HNRNPUL2: variants seen among roughly 807,000 people sequenced by gnomAD.
HNRNPUL2 encodes heterogeneous nuclear ribonucleoprotein U-like protein 2.
Under a neutral mutation model 102.2 loss-of-function variants are expected in HNRNPUL2, and 27 were observed. That is an observed-to-expected ratio of 0.26 (90% CI 0.19 to 0.36). The LOEUF (loss-of-function observed/expected upper bound fraction) is 0.36. HNRNPUL2 is among the 10% of genes least tolerant of loss of function. The probability of loss-of-function intolerance (pLI) is 1.00; values close to 1 mark genes in which losing one functional copy is unlikely to be tolerated. For synonymous variants in HNRNPUL2, 458 were observed against 387.2 expected (o/e 1.18, Z -2.15); for missense variants, 936 against 981.1 (o/e 0.95, Z 0.61).
intron 1 of HNRNPUL2, among the ~76,000 whole-genome samples, chr11:62,725,062 G>A (rs2083734138): frequency 6.6e-6 from 1 of 152,168 alleles, no homozygotes. Flanking sequence ...CTGCACATTT[G>A]GGGCAGAAAG....
Position 62,727,228 on chromosome 11 carries a change from G to GCGCCGCCGCCGCCGCC in HNRNPUL2, c.-88_-73dup, listed in dbSNP as rs1554989354. ...CCGTCGACCGAGTCCGACCGCGCAG[G>GCGCCGCCGCCGCCGCC]CGCCGCCGCCGCCGCCCGCCTCCGC... On this transcript the variant is annotated 5_prime_UTR_variant, in exon 1 of 14. Coordinates refer to ENST00000301785, the MANE Select transcript of HNRNPUL2 (RefSeq NM_001079559.3). 11 of 1,298,024 alleles carry GCGCCGCCGCCGCCGCC rather than the reference G, an allele frequency of 8.5e-6. No individual in the cohort carries two copies. The highest frequency in any genetic ancestry group is 3.2e-5 in the African/African-American group (2 of 63,382). 80.4% of individuals were successfully genotyped at this position (1,298,024 alleles called of 1,614,324 possible).
intron 4 of HNRNPUL2, 95 bp from the exon 5 acceptor site, chr11:62,722,998 G>C: frequency 1.2e-6 from 1 of 834,826 alleles, no homozygotes; most frequent in South Asian, 1.5e-5. Flanking sequence ...AACTGAAAAC[G>C]ACATTTACCT....
intron 7 of HNRNPUL2, 75 bp downstream of exon 7, chr11:62,722,042 C>CT: frequency 6.2e-7 from 1 of 1,602,420 alleles, no homozygotes; most frequent in African/African-American, 1.3e-5. Context: ...TGGTAACGCT[C>CT]TGAGACCCTG....
rs1224237566 is a variant in HNRNPUL2, at chr11:62,726,688, G to T, written c.469C>A (p.Pro157Thr). The change falls in exon 1 of 14, where the codon CCC becomes ACC. Residue 157 changes from proline (P) to threonine (T), a missense_variant. Coordinates refer to ENST00000301785, the MANE Select transcript of HNRNPUL2 (RefSeq NM_001079559.3). The stretch of plus-strand genomic sequence containing the variant: ...GTCTCGTCCCCGCTCCGCTCCTCGG[G>T]TTCGTCTTCCTCCCTCTTGCCGAGG... ...QGLGKREEDE[P>T]EERSGDETPG... 3 of 1,600,036 alleles carry T rather than the reference G, an allele frequency of 1.9e-6. No individual in the cohort carries two copies. The highest frequency in any genetic ancestry group is 1.3e-5 in the African/African-American group (1 of 74,866).
rs755780740 is a variant in HNRNPUL2, at chr11:62,726,814, C to T, written c.343G>A (p.Glu115Lys). The change falls in exon 1 of 14, where the codon GAG becomes AAG. Residue 115 changes from glutamate (E) to lysine (K), a missense_variant. By Grantham distance (56) the Glu-to-Lys change is moderately conservative. Coordinates refer to ENST00000301785, the MANE Select transcript of HNRNPUL2 (RefSeq NM_001079559.3). ...QAAQPPPEPPEAAAMEAAAEP... is the reference protein window; with the variant it reads ...QAAQPPPEPPKAAAMEAAAEP... ...GCCGCGGCCTCCATGGCTGCCGCCT[C>T]CGGGGGCTCCGGCGGCGGCTGCGCG... 8.8e-6 allele frequency: 14 copies of T among 1,593,222 alleles called. No individual in the cohort carries two copies. The Admixed American group carries it at 2.4e-4, about 27-fold the overall frequency.
rs1167160314 is a variant in HNRNPUL2 at position 62,726,768 on chromosome 11, T to C, written c.389A>G (p.Lys130Arg). ...TGACCCGGCCGTGGCCTCCGCCGGC[T>C]TCTCGGAAGCATCTGGCTCGGCCGC... Reference protein sequence around the residue: ...EAAAEPDASEKPAEATAGSGG... With the variant: ...EAAAEPDASERPAEATAGSGG... Residue 130 changes from lysine to arginine, a missense_variant, in exon 1 of 14, where the codon AAG becomes AGG. Lys to Arg is a conservative substitution (Grantham distance 26, BLOSUM62 2). Around this residue, in one of 2 missense-constraint regions of HNRNPUL2, gnomAD observed 327 missense variants for 268.1 expected, o/e 1.22. Coordinates refer to ENST00000301785, the MANE Select transcript of HNRNPUL2 (RefSeq NM_001079559.3). 1.2e-6 allele frequency: 2 copies of C among 1,600,916 alleles called. No homozygotes were observed. The highest frequency in any genetic ancestry group is 1.7e-6 in the Non-Finnish European group (2 of 1,179,466).
At chr11:62,717,474 G>A (rs968054305) in intron 10 of HNRNPUL2, among the ~76,000 whole-genome samples, 5 of 152,196 alleles carry the variant, frequency 3.3e-5, no homozygotes, top group Non-Finnish European at 5.9e-5. Flanking sequence ...TTCTCATCAG[G>A]ACAGAAGCAG....
At chr11:62,715,714 G>C in intron 12 of HNRNPUL2, 107 bp from the exon 13 acceptor site, 1 of 1,131,996 alleles carries the variant, frequency 8.8e-7, no homozygotes. Flanking sequence ...ATTATAAATT[G>C]GTTTAATTTT....
In HNRNPUL2 at chr11:62,724,305, C is replaced by T. The variant is rs1178159440; in HGVS notation, c.660G>A (p.Glu220=). 1 of 1,614,184 alleles carries T rather than the reference C, an allele frequency of 6.2e-7. No homozygotes were observed. Among genetic ancestry groups the T allele is most frequent in the Non-Finnish European group, 8.5e-7 (1 of 1,180,046 alleles). ...GTTTCCCTCACCGGCTGTGGTAAGC[C>T]TCCTCTCGGAATTCATAGTAAGCTC... ...HGRAYYEFRE[E]AYHSRSKSPL... The change falls in exon 2 of 14, where the codon GAG becomes GAA. Residue 220 remains glutamate (E), a synonymous_variant. Transcript: ENST00000301785.
In HNRNPUL2 at chr11:62,726,903, T is replaced by C; in HGVS notation, c.254A>G (p.Asp85Gly). Residue 85 changes from aspartate (D) to glycine (G), a missense_variant, in exon 1 of 14, where the codon GAC (aspartate) becomes GGC (glycine). By Grantham distance (94) the Asp-to-Gly change is moderately conservative (BLOSUM62 -1). Transcript: ENST00000301785. The stretch of plus-strand genomic sequence containing the variant: ...CTCGTCCTCAAGCAGCGCCTCCTCG[T>C]CCTCCTCCTCCTCCTCTTCGTCCTC... ...EEEDEEEEEEDEEALLEDEDE... is the reference protein window; with the variant it reads ...EEEDEEEEEEGEEALLEDEDE... The C allele has an allele frequency of 1.3e-6, 2 of 1,507,776 alleles. No individual in the cohort carries two copies. The highest frequency in any genetic ancestry group is 1.8e-6 in the Non-Finnish European group (2 of 1,134,460). 93.4% of individuals were successfully genotyped at this position (1,507,776 alleles called of 1,614,324 possible).
chr11:62,721,257 T>A, intron 9 of HNRNPUL2, 38 bp downstream of exon 9: 5 of 1,573,742 alleles, frequency 3.2e-6, no homozygotes, highest in East Asian at 2.3e-5. Context: ...TATATACACA[T>A]CCCACCTTGA....
chr11:62,726,595 C>T (rs776521240), intron 1 of HNRNPUL2, 24 bp downstream of exon 1: 3 of 1,512,524 alleles, frequency 2.0e-6, no homozygotes, highest in Non-Finnish European at 2.6e-6. Flanking sequence ...AGGTTGGAGC[C>T]GGGCTCGGCT....
intron 7 of HNRNPUL2, 22 bp downstream of exon 7, chr11:62,722,095 G>A: frequency 2.5e-6 from 4 of 1,610,844 alleles, no homozygotes; most frequent in Non-Finnish European, 3.4e-6. Context: ...CAACCTCAGT[G>A]TTCGTATACT....
At chr11:62,723,510 ATCT>A (rs1340010043) in intron 4 of HNRNPUL2, 74 bp downstream of exon 4, 8 of 1,408,626 alleles carry the variant, frequency 5.7e-6, no homozygotes, top group Non-Finnish European at 6.7e-6. Context: ...AGAGATAATA[ATCT>A]TCTTTTCCCC....
rs775386086 is a variant in HNRNPUL2 at position 62,720,020 on chromosome 11, C to T, written c.1780+3G>A. 9 of 1,613,662 alleles carry T rather than the reference C, an allele frequency of 5.6e-6. No homozygotes were observed. Among genetic ancestry groups the T allele is most frequent in the South Asian group, 1.1e-5 (1 of 91,062 alleles). The stretch of plus-strand genomic sequence containing the variant: ...GCAGCAGAAAATGGACTAAGACACC[C>T]ACCTTTCATCTCCAGCATTATAGAT... On this transcript the variant is annotated splice_donor_region_variant and intron_variant, in intron 10 of 13. Transcript: ENST00000301785.
At position 62,720,058 on chromosome 11, in the gene HNRNPUL2, T is replaced by A. The variant is rs368100834; in HGVS notation, c.1745A>T (p.Asp582Val). ...RLELRKEVEG[D>V]DVPESIMLEM... ...CAGCATTATAGATTCAGGCACATCA[T>A]CTCCCTCTACTTCCTTCCTCAACTC... The change falls in exon 10 of 14, where the codon GAT (aspartate) becomes GTT (valine). Residue 582 changes from aspartate to valine, a missense_variant. Physicochemically the swap from Asp to Val is radical, Grantham distance 152 (BLOSUM62 -3). Transcript: ENST00000301785. 2 of 1,614,042 alleles carry A rather than the reference T, an allele frequency of 1.2e-6. No homozygotes were observed. The highest frequency in any genetic ancestry group is 1.7e-6 in the Non-Finnish European group (2 of 1,180,026).
rs1415197530 is a variant in HNRNPUL2, at chr11:62,727,222, G to A, written c.-66C>T. 1.9e-5 allele frequency: 25 copies of A among 1,308,496 alleles called. No homozygotes were observed. The highest frequency in any genetic ancestry group is 2.3e-5 in the Non-Finnish European group (24 of 1,031,868). 81.1% of individuals were successfully genotyped at this position (1,308,496 alleles called of 1,614,324 possible). ...TGCGAACCGTCGACCGAGTCCGACC[G>A]CGCAGGCGCCGCCGCCGCCGCCCGC... On this transcript the variant is annotated 5_prime_UTR_variant, in exon 1 of 14. Transcript: ENST00000301785.
rs757364046 is a variant in HNRNPUL2 at position 62,722,286 on chromosome 11, C to A, written c.1190G>T (p.Arg397Leu). ...FWISKDSLAD[R>L]ALLPHVLCKN... ...GCAGAGGACATGGGGTAGAAGGGCC[C>A]GGTCTGCCAGGGAATCCTTGCTGAT... Residue 397 changes from arginine (R) to leucine (L), a missense_variant, in exon 7 of 14, where the codon CGG becomes CTG. Around this residue, in one of 2 missense-constraint regions of HNRNPUL2, gnomAD observed 609 missense variants for 713.0 expected, o/e 0.85. Coordinates refer to ENST00000301785, the MANE Select transcript of HNRNPUL2 (RefSeq NM_001079559.3). 6.2e-7 allele frequency: 1 copy of A among 1,614,056 alleles called. No homozygotes were observed.
chr11:62,721,108 T>A (rs903551821), intron 9 of HNRNPUL2, among the ~76,000 whole-genome samples, 187 bp downstream of exon 9: 1 of 152,178 alleles, frequency 6.6e-6, no homozygotes, highest in Non-Finnish European at 1.5e-5. Flanking sequence ...TTACATGTTT[T>A]ATAGCCTGGG....
Sources: gnomAD v4.1 joint callset for allele counts (sites outside exome capture counted in the v4.1 genomes callset) on GRCh38, gnomAD v4.1.1 for gene constraint, gnomAD v4.1.1 regional missense constraint, MANE v1.5 for transcripts, NCBI Gene and HGNC (gene_info 2026-07-23, HGNC 2026-07-21) for gene names.